The following MTBP variants were observed in gnomAD, a reference collection of about 807,000 sequenced individuals.
The protein encoded by MTBP is mdm2-binding protein.
In MTBP, 101 loss-of-function variants were observed where a neutral mutation model predicts 117.0. The ratio of observed to expected loss-of-function variants is 0.86; its 90% CI spans 0.73 to 1.02. The LOEUF (loss-of-function observed/expected upper bound fraction) is 1.02. Among genes scored for constraint, MTBP ranks in the 50% least tolerant of loss-of-function variants. The pLI, the probability that MTBP is intolerant of heterozygous loss-of-function variation, is 0.00. For synonymous variants in MTBP, 350 were observed against 351.5 expected (o/e 1.00, Z 0.05); for missense variants, 970 against 1,030.9 (o/e 0.94, Z 0.81).
intron 2 of MTBP, among the ~76,000 whole-genome samples, chr8:120,449,191 C>G (rs1044103076): frequency 2.6e-5 from 4 of 152,000 alleles, no homozygotes; most frequent in African/African-American, 9.7e-5. Context: ...TAGAATTCAC[C>G]TACCTTAGCG....
At chr8:120,490,916 G>A (rs536072826) in intron 13 of MTBP, among the ~76,000 whole-genome samples, 14 of 152,036 alleles carry the variant, frequency 9.2e-5, no homozygotes, top group Middle Eastern at 3.4e-3. Context: ...TTTTTGTAGC[G>A]GAAGTTGGGT....
In MTBP at chr8:120,490,843, T is replaced by C. The variant is rs188724667; in HGVS notation, c.1447+273T>C. ...TCAAAATTTGTTTTTAATTGTATGC[T>C]AGAGAAGGTATGTAAGTTTTATTTT... On this transcript the variant is annotated intron_variant, in intron 13 of 21. Coordinates refer to ENST00000305949, the MANE Select transcript of MTBP (RefSeq NM_022045.5). The C allele has an allele frequency of 1.4e-3, 334 of 233,526 alleles. 2 individuals carry two copies. Among genetic ancestry groups the C allele is most frequent in the Non-Finnish European group, 1.9e-3 (236 of 122,582 alleles). 14.5% of individuals were successfully genotyped at this position (233,526 alleles called of 1,614,324 possible). A position where few individuals can be genotyped will look rare whatever the true frequency, so the allele number is the denominator to read the frequency against.
At chr8:120,448,322 G>C (rs1212187648) in intron 2 of MTBP, among the ~76,000 whole-genome samples, 2 of 152,138 alleles carry the variant, frequency 1.3e-5, no homozygotes, top group African/African-American at 4.8e-5. Context: ...TCACCTTTTT[G>C]ATCAAAAGGT....
chr8:120,506,615 T>C lies in MTBP; in HGVS notation c.1728-91T>C, dbSNP rs939148840. Reference sequence around the variant, plus strand: ...TTTCTGGTTTCTGCTCACATCTTCTTTTCCCGACTGTGCTTTTTTTTTTTT... The same window carrying C: ...TTTCTGGTTTCTGCTCACATCTTCTCTTCCCGACTGTGCTTTTTTTTTTTT... On this transcript the variant is annotated intron_variant, in intron 15 of 21. Transcript: ENST00000305949. The C allele has an allele frequency of 5.6e-6, 6 of 1,066,356 alleles. No individual in the cohort carries two copies. In the African/African-American group the frequency reaches 1.0e-4, roughly 18 times the overall value. 66.1% of individuals were successfully genotyped at this position (1,066,356 alleles called of 1,614,324 possible).
rs1563797569 is a variant in MTBP, at chr8:120,488,339, G to A, written c.1339+7G>A. ...ACAGAAGAAGCCAAATTGAGTAAGT[G>A]TTAACTTCAGGTAGAAAAACATGTT... On this transcript the variant is annotated splice_region_variant and intron_variant, in intron 12 of 21. Coordinates refer to ENST00000305949, the MANE Select transcript of MTBP (RefSeq NM_022045.5). 7 of 1,514,366 alleles carry A rather than the reference G, an allele frequency of 4.6e-6. No homozygotes were observed. The highest frequency in any genetic ancestry group is 6.2e-6 in the Non-Finnish European group (7 of 1,136,650). 93.8% of individuals were successfully genotyped at this position (1,514,366 alleles called of 1,614,324 possible). A position where few individuals can be genotyped will look rare whatever the true frequency, so the allele number is the denominator to read the frequency against.
At chr8:120,514,196 A>AGTT (rs1160056805) in intron 17 of MTBP, among the ~76,000 whole-genome samples, 1 of 151,980 alleles carries the variant, frequency 6.6e-6, no homozygotes, top group Non-Finnish European at 1.5e-5. Flanking sequence ...CATCTCACAT[A>AGTT]GTTACCTCTT....
Position 120,516,025 on chromosome 8 carries a change from G to C in MTBP, c.2080G>C (p.Glu694Gln). ...TGAAACTCAAACTACCTGCACCAGA[G>C]AAAGTTTTCCAGTACCTACTGTGTT... is the stretch of plus-strand genomic sequence containing the variant. ...RYETQTTCTRESFPVPTVLSP... is the reference protein window; with the variant it reads ...RYETQTTCTRQSFPVPTVLSP... The change falls in exon 18 of 22, where the codon GAA becomes CAA. Residue 694 changes from glutamate (E) to glutamine (Q), a missense_variant. Transcript: ENST00000305949. 1.2e-6 allele frequency: 2 copies of C among 1,613,106 alleles called. No individual in the cohort carries two copies. The highest frequency in any genetic ancestry group is 1.7e-6 in the Non-Finnish European group (2 of 1,179,304).
chr8:120,453,755 T>C (rs887092005), intron 4 of MTBP, 92 bp from the exon 5 acceptor site: 2 of 556,110 alleles, frequency 3.6e-6, no homozygotes, highest in Non-Finnish European at 6.2e-6. Context: ...ACAGTGTCTG[T>C]ACAACAATCT....
intron 20 of MTBP, among the ~76,000 whole-genome samples, chr8:120,521,003 A>G (rs1413069876): frequency 6.6e-6 from 1 of 152,118 alleles, no homozygotes; most frequent in Admixed American, 6.6e-5. Context: ...CAAAACAAAA[A>G]CTAATCTAAA....
chr8:120,518,206 T>A, intron 19 of MTBP, 106 bp downstream of exon 19: 1 of 1,268,208 alleles, frequency 7.9e-7, no homozygotes, highest in Non-Finnish European at 1.1e-6. Context: ...AATGAAACGA[T>A]GTCTAGAATT....
chr8:120,516,981 ATAAAAT>A (rs1226080485), intron 18 of MTBP, among the ~76,000 whole-genome samples: 3 of 152,014 alleles, frequency 2.0e-5, no homozygotes, highest in Non-Finnish European at 2.9e-5. Flanking sequence ...TTTATACCTG[ATAAAAT>A]TAAAAAGCAG....
chr8:120,453,838 T>G lies in MTBP; in HGVS notation c.426-9T>G. On this transcript the variant is annotated splice_polypyrimidine_tract_variant and intron_variant, in intron 4 of 21. Coordinates refer to ENST00000305949, the MANE Select transcript of MTBP (RefSeq NM_022045.5). Reference sequence around the variant, plus strand: ...GGTTTTCTTTCCCTAACTTACCCTTTTATTTTAGTCTCTATGAAGAAGCTG... The same window carrying G: ...GGTTTTCTTTCCCTAACTTACCCTTGTATTTTAGTCTCTATGAAGAAGCTG... 1 of 1,509,476 alleles carries G rather than the reference T, an allele frequency of 6.6e-7. No individual in the cohort carries two copies. The highest frequency in any genetic ancestry group is 9.0e-7 in the Non-Finnish European group (1 of 1,107,644). 93.5% of individuals were successfully genotyped at this position (1,509,476 alleles called of 1,614,324 possible). A position where few individuals can be genotyped will look rare whatever the true frequency, so the allele number is the denominator to read the frequency against.
chr8:120,511,562 T>G (rs951756490), intron 17 of MTBP, among the ~76,000 whole-genome samples: 1 of 152,226 alleles, frequency 6.6e-6, no homozygotes. Context: ...CAAAAAGTTC[T>G]GGGATTACAG....
chr8:120,479,967 A>G (rs1814038743), intron 11 of MTBP, among the ~76,000 whole-genome samples: 1 of 152,174 alleles, frequency 6.6e-6, no homozygotes, highest in South Asian at 2.1e-4. Flanking sequence ...TAGACCAGAA[A>G]TTAATGAATA....
intron 11 of MTBP, among the ~76,000 whole-genome samples, chr8:120,478,172 A>G (rs1483666824): frequency 6.6e-6 from 1 of 152,066 alleles, no homozygotes; most frequent in Non-Finnish European, 1.5e-5. Context: ...CAAACACCAC[A>G]TGTTCTCACT....
chr8:120,512,446 T>C (rs1254499854), intron 17 of MTBP, among the ~76,000 whole-genome samples: 4 of 152,130 alleles, frequency 2.6e-5, no homozygotes, highest in Non-Finnish European at 5.9e-5. Context: ...CTCTTTTTTT[T>C]CTGCTGTTTT....
chr8:120,457,658 C>T (rs1367870702), intron 7 of MTBP, among the ~76,000 whole-genome samples: 1 of 152,108 alleles, frequency 6.6e-6, no homozygotes, highest in Non-Finnish European at 1.5e-5. Flanking sequence ...CAGTGGGTGG[C>T]TCACGCCTAT....
At chr8:120,508,195 T>C (rs1814729642) in intron 16 of MTBP, among the ~76,000 whole-genome samples, 1 of 152,148 alleles carries the variant, frequency 6.6e-6, no homozygotes, top group African/African-American at 2.4e-5. Flanking sequence ...TATTAAATGT[T>C]TACCTGCACA....
At chr8:120,483,597 A>C (rs1814143971) in intron 11 of MTBP, among the ~76,000 whole-genome samples, 1 of 152,188 alleles carries the variant, frequency 6.6e-6, no homozygotes, top group Admixed American at 6.6e-5. Flanking sequence ...ATTGACAAAG[A>C]ATATAACTTG....
Sources: gnomAD v4.1 joint callset for allele counts (sites outside exome capture counted in the v4.1 genomes callset) on GRCh38, gnomAD v4.1.1 for gene constraint, MANE v1.5 for transcripts, NCBI Gene and HGNC (gene_info 2026-07-23, HGNC 2026-07-21) for gene names.